Variants in DIAPH3 observed in about 807,000 individuals in gnomAD.
DIAPH3 encodes the protein diaphanous related formin 3, also known as protein diaphanous homolog 3.
DIAPH3 carries 117 observed loss-of-function variants against 144.3 expected under a neutral mutation model. The observed-to-expected ratio is 0.81, with a 90% CI of 0.70 to 0.95. The LOEUF is 0.95. Ranked by LOEUF, DIAPH3 falls within the 40% of genes least tolerant of loss-of-function variation. The pLI is 0.00. For missense variants in DIAPH3, 1,421 were observed against 1,412.7 expected (o/e 1.01, Z -0.09); for synonymous variants, 519 against 488.9 (o/e 1.06, Z -0.81).
chr13:59,696,327 T>A (rs746529049), intron 27 of DIAPH3: 2 of 152,250 alleles, frequency 1.3e-5, no homozygotes, highest in Non-Finnish European at 2.9e-5. Flanking sequence ...AATATTAGAA[T>A]ATAAAATTTA....
intron 27 of DIAPH3, among the ~76,000 whole-genome samples, chr13:59,690,640 T>C (rs566621599): frequency 1.3e-5 from 2 of 152,300 alleles, no homozygotes; most frequent in Admixed American, 1.3e-4. Flanking sequence ...ATTCTTTCTA[T>C]GGGAAATTGC....
At chr13:59,816,401 T>C (rs1302796521) in intron 24 of DIAPH3, among the ~76,000 whole-genome samples, 1 of 151,796 alleles carries the variant, frequency 6.6e-6, no homozygotes, top group African/African-American at 2.4e-5. Context: ...AACTTATCCA[T>C]TTCATTTACC....
intron 1 of DIAPH3, among the ~76,000 whole-genome samples, chr13:60,157,614 G>T (rs1952092923): frequency 6.6e-6 from 1 of 152,054 alleles, no homozygotes. Context: ...CCTTTTTCTT[G>T]TTTGTATGGG....
intron 3 of DIAPH3, among the ~76,000 whole-genome samples, chr13:60,105,339 C>A (rs1446194242): frequency 2.0e-5 from 3 of 152,156 alleles, no homozygotes; most frequent in Admixed American, 2.0e-4. Flanking sequence ...CAGCTCCTAA[C>A]TGGCAAAACA....
intron 24 of DIAPH3, among the ~76,000 whole-genome samples, chr13:59,826,529 AGAG>A (rs1356734436): frequency 6.7e-6 from 1 of 149,590 alleles, no homozygotes; most frequent in Admixed American, 6.7e-5. Flanking sequence ...AGGAAATAAA[AGAG>A]GATACAAACA....
chr13:59,801,474 A>G (rs1213284851), intron 25 of DIAPH3, among the ~76,000 whole-genome samples: 1 of 152,208 alleles, frequency 6.6e-6, no homozygotes, highest in Non-Finnish European at 1.5e-5. Context: ...AATAGCACTA[A>G]TAGTTTAAAA....
At chr13:59,877,007 T>G (rs1193244430) in intron 21 of DIAPH3, among the ~76,000 whole-genome samples, 1 of 152,014 alleles carries the variant, frequency 6.6e-6, no homozygotes, top group Admixed American at 6.6e-5. Flanking sequence ...CTTCCCTACA[T>G]CCCCACTACA....
At chr13:60,024,545 T>C (rs989048126) in intron 5 of DIAPH3, among the ~76,000 whole-genome samples, 8 of 152,206 alleles carry the variant, frequency 5.3e-5, no homozygotes, top group African/African-American at 1.9e-4. Flanking sequence ...AACACTTTTA[T>C]GATGACTGCT....
chr13:59,877,969 G>A (rs1209576932), intron 21 of DIAPH3, among the ~76,000 whole-genome samples: 1 of 152,074 alleles, frequency 6.6e-6, no homozygotes, highest in African/African-American at 2.4e-5. Flanking sequence ...TCATAGCTGA[G>A]CTAGGCTCTC....
intron 27 of DIAPH3, among the ~76,000 whole-genome samples, chr13:59,700,072 T>C (rs1431443779): frequency 1.3e-5 from 2 of 152,220 alleles, no homozygotes; most frequent in Admixed American, 1.3e-4. Context: ...GAATGGACAT[T>C]GCTTTTCTTC....
chr13:59,803,058 G>GGTT (rs917693527), intron 25 of DIAPH3, among the ~76,000 whole-genome samples: 20 of 152,098 alleles, frequency 1.3e-4, no homozygotes, highest in African/African-American at 4.8e-4. Context: ...TGGGATATAT[G>GGTT]GTTTATGTTG....
intron 4 of DIAPH3, among the ~76,000 whole-genome samples, chr13:60,077,267 T>G (rs1016209545): frequency 2.6e-5 from 4 of 151,978 alleles, no homozygotes; most frequent in African/African-American, 7.2e-5. Context: ...ATCTAAATAG[T>G]GCAAAAATAA....
chr13:59,948,591 A>G (rs1364741280), intron 17 of DIAPH3, among the ~76,000 whole-genome samples: 2 of 152,122 alleles, frequency 1.3e-5, no homozygotes, highest in Admixed American at 1.3e-4. Flanking sequence ...AGCTAGAGCT[A>G]CAGGCATGGG....
chr13:59,793,943 C>G lies in DIAPH3; in HGVS notation c.3163+16845G>C, dbSNP rs199910192. Among the ~76,000 whole-genome samples, 20 of 152,326 alleles carry G rather than the reference C, an allele frequency of 1.3e-4. No individual in the cohort carries two copies. The East Asian group carries it at 3.3e-3, about 25-fold the overall frequency. On this transcript the variant is annotated intron_variant, in intron 25 of 27. Coordinates refer to ENST00000400324, the MANE Select transcript of DIAPH3 (RefSeq NM_001042517.2). Reference sequence around the variant, plus strand: ...AGAGATACCTCAAATATAATACAGACTGTTCCCAACTTACAATTTTTTGAC... The same window carrying G: ...AGAGATACCTCAAATATAATACAGAGTGTTCCCAACTTACAATTTTTTGAC...
chr13:60,152,085 C>A (rs1409025519), intron 1 of DIAPH3, among the ~76,000 whole-genome samples: 1 of 152,062 alleles, frequency 6.6e-6, no homozygotes, highest in African/African-American at 2.4e-5. Context: ...AAACAGCCAA[C>A]CTCGGAAAAA....
intron 13 of DIAPH3, among the ~76,000 whole-genome samples, chr13:59,981,584 T>C (rs2051022145): frequency 6.6e-6 from 1 of 151,070 alleles, no homozygotes; most frequent in Admixed American, 6.6e-5. Context: ...ATGATATATA[T>C]ACATGATAGA....
intron 24 of DIAPH3, among the ~76,000 whole-genome samples, chr13:59,826,745 C>A (rs1230425849): frequency 5.9e-5 from 9 of 151,944 alleles, no homozygotes; most frequent in South Asian, 2.1e-4. Context: ...GCCAAAAGAA[C>A]AAAGCTGGAG....
chr13:59,978,419 A>G lies in DIAPH3; in HGVS notation c.1545+2376T>C, dbSNP rs572708955. On this transcript the variant is annotated intron_variant, in intron 14 of 27. Transcript: ENST00000400324. Reference sequence around the variant, plus strand: ...AGTAAGAATGAAAAAGCCTTTCTACAATATCAATATGTGAATTATGAAATA... The same window carrying G: ...AGTAAGAATGAAAAAGCCTTTCTACGATATCAATATGTGAATTATGAAATA... Among the ~76,000 whole-genome samples the G allele has an allele frequency of 3.3e-5, 5 of 151,820 alleles. No individual in the cohort carries two copies. The South Asian group carries it at 1.0e-3, about 31-fold the overall frequency.
At chr13:59,801,099 C>T (rs185917182) in intron 25 of DIAPH3, among the ~76,000 whole-genome samples, 2 of 152,204 alleles carry the variant, frequency 1.3e-5, no homozygotes, top group East Asian at 3.9e-4. Context: ...TTGAAAACAT[C>T]CACTGAAAAT....
Sources: gnomAD v4.1 joint callset for allele counts (sites outside exome capture counted in the v4.1 genomes callset) on GRCh38, gnomAD v4.1.1 for gene constraint, MANE v1.5 for transcripts, NCBI Gene and HGNC (gene_info 2026-07-23, HGNC 2026-07-21) for gene names.